PRKD1: variants seen among roughly 807,000 people sequenced by gnomAD.
The protein encoded by PRKD1 is protein kinase D1.
In PRKD1, 63 loss-of-function variants were observed where a neutral mutation model predicts 95.9. The ratio of observed to expected loss-of-function variants is 0.66; its 90% CI spans 0.54 to 0.81. The LOEUF (loss-of-function observed/expected upper bound fraction) is 0.81, where lower values mean the gene tolerates loss of function less well. Ranked by LOEUF, PRKD1 falls within the 30% of genes least tolerant of loss-of-function variation. The pLI, the probability that PRKD1 is intolerant of heterozygous loss-of-function variation, is 0.00. For missense variants in PRKD1, 1,048 were observed against 1,165.3 expected (o/e 0.90, Z 1.47); for synonymous variants, 425 against 423.1 (o/e 1.00, Z -0.05).
At chr14:29,621,330 C>T (rs1464745558) in intron 13 of PRKD1, among the ~76,000 whole-genome samples, 2 of 151,888 alleles carry the variant, frequency 1.3e-5, no homozygotes, top group Non-Finnish European at 2.9e-5. Flanking sequence ...TACCCTAAAA[C>T]TTAAAGTATA....
chr14:29,792,973 G>A (rs937919264), intron 1 of PRKD1, among the ~76,000 whole-genome samples: 1 of 151,936 alleles, frequency 6.6e-6, no homozygotes, highest in Non-Finnish European at 1.5e-5. Flanking sequence ...AGCATACATG[G>A]AAATGTAATG....
At chr14:29,651,279 T>A (rs1881478229) in intron 4 of PRKD1, among the ~76,000 whole-genome samples, 1 of 152,180 alleles carries the variant, frequency 6.6e-6, no homozygotes, top group African/African-American at 2.4e-5. Context: ...ATCACTCAAG[T>A]GATATTTTCA....
In PRKD1 at chr14:29,927,680, T is replaced by G; in HGVS notation, c.-168A>C. ...CTGGGGGAGGGCAAGGGGATGAGGA[T>G]CGGGAGGGGAGGGGACTAAGGGGAG... On this transcript the variant is annotated 5_prime_UTR_variant, in exon 1 of 18. Transcript: ENST00000331968. The G allele has an allele frequency of 1.5e-5, 3 of 206,016 alleles. No individual in the cohort carries two copies. The highest frequency in any genetic ancestry group is 1.6e-5 in the Non-Finnish European group (2 of 123,482). The allele number at this position is 206,016 out of a possible 1,614,324, so 12.8% of individuals were successfully genotyped here.
intron 16 of PRKD1, 89 bp from the exon 17 acceptor site, chr14:29,578,449 C>T: frequency 1.3e-6 from 1 of 754,520 alleles, no homozygotes; most frequent in Non-Finnish European, 1.9e-6. Context: ...CTATTTCACA[C>T]AGTTAAATGC....
At chr14:29,697,360 C>T (rs1467340500) in intron 2 of PRKD1, among the ~76,000 whole-genome samples, 1 of 152,158 alleles carries the variant, frequency 6.6e-6, no homozygotes, top group East Asian at 1.9e-4. Flanking sequence ...GAGCAAATAA[C>T]AGCATTAGCA....
rs1895356069 is a variant in PRKD1, at chr14:29,927,545, G to A, written c.-33C>T. On this transcript the variant is annotated 5_prime_UTR_variant, in exon 1 of 18. Transcript: ENST00000331968. Reference sequence around the variant, plus strand: ...CGGGGCGCAGGGCCGGGCAGCGGAGGGCGGGGGCTGGCGGCGCGGCAGCAG... The same window carrying A: ...CGGGGCGCAGGGCCGGGCAGCGGAGAGCGGGGGCTGGCGGCGCGGCAGCAG... 1 of 1,135,918 alleles carries A rather than the reference G, an allele frequency of 8.8e-7. No homozygotes were observed. The highest frequency in any genetic ancestry group is 4.7e-5 in the East Asian group (1 of 21,318). The allele number at this position is 1,135,918 out of a possible 1,614,324, so 70.4% of individuals were successfully genotyped here.
At chr14:29,625,839 T>C (rs1480668359) in intron 12 of PRKD1, among the ~76,000 whole-genome samples, 5 of 152,148 alleles carry the variant, frequency 3.3e-5, no homozygotes, top group African/African-American at 1.2e-4. Context: ...TTCTTATTGA[T>C]AATATTAAGG....
intron 1 of PRKD1, among the ~76,000 whole-genome samples, chr14:29,819,951 G>A (rs948976060): frequency 6.6e-6 from 1 of 152,098 alleles, no homozygotes; most frequent in African/African-American, 2.4e-5. Context: ...TGCCCTCAAG[G>A]TATTGATATT....
At chr14:29,845,247 A>C (rs1892035010) in intron 1 of PRKD1, among the ~76,000 whole-genome samples, 1 of 152,200 alleles carries the variant, frequency 6.6e-6, no homozygotes, top group African/African-American at 2.4e-5. Context: ...CTGTAAAGAA[A>C]ATGCTTAAAG....
intron 1 of PRKD1, among the ~76,000 whole-genome samples, chr14:29,778,310 G>T (rs1019482320): frequency 3.9e-5 from 6 of 152,020 alleles, no homozygotes; most frequent in Admixed American, 3.9e-4. Flanking sequence ...AGGAGATACA[G>T]ACACAAAAAA....
intron 1 of PRKD1, among the ~76,000 whole-genome samples, chr14:29,797,139 G>T (rs891989449): frequency 2.0e-5 from 3 of 152,102 alleles, no homozygotes; most frequent in African/African-American, 4.8e-5. Flanking sequence ...GAATTTACAG[G>T]CACCCTAACT....
At chr14:29,779,400 C>G (rs1888932382) in intron 1 of PRKD1, among the ~76,000 whole-genome samples, 1 of 152,180 alleles carries the variant, frequency 6.6e-6, no homozygotes, top group African/African-American at 2.4e-5. Context: ...ATCGTCTCAG[C>G]CCCAAATCTC....
At chr14:29,886,762 A>G (rs1893721245) in intron 1 of PRKD1, among the ~76,000 whole-genome samples, 1 of 152,230 alleles carries the variant, frequency 6.6e-6, no homozygotes, top group South Asian at 2.1e-4. Flanking sequence ...GATAATCTTC[A>G]ATAGATTCCA....
At chr14:29,719,594 C>T (rs945409999) in intron 2 of PRKD1, among the ~76,000 whole-genome samples, 2 of 152,164 alleles carry the variant, frequency 1.3e-5, no homozygotes, top group Admixed American at 1.3e-4. Flanking sequence ...GGTGTTACTC[C>T]TACTCTCTGC....
chr14:29,644,773 TATAA>T (rs955511616), intron 4 of PRKD1, among the ~76,000 whole-genome samples: 20 of 152,230 alleles, frequency 1.3e-4, no homozygotes, highest in Admixed American at 3.9e-4. Flanking sequence ...ATACCTCATG[TATAA>T]ATAAACTATA....
chr14:29,620,528 C>T (rs1403175044), intron 13 of PRKD1, among the ~76,000 whole-genome samples: 1 of 145,970 alleles, frequency 6.9e-6, no homozygotes, highest in Admixed American at 6.9e-5. Flanking sequence ...CATGAACAGA[C>T]ACTTCTCAAA....
At chr14:29,855,245 G>A (rs1356237229) in intron 1 of PRKD1, among the ~76,000 whole-genome samples, 1 of 152,158 alleles carries the variant, frequency 6.6e-6, no homozygotes, top group Non-Finnish European at 1.5e-5. Context: ...CATGAAAACA[G>A]CCAGGAGGGA....
At chr14:29,627,996 A>G (rs1419709644) in intron 11 of PRKD1, among the ~76,000 whole-genome samples, 1 of 152,242 alleles carries the variant, frequency 6.6e-6, no homozygotes, top group Non-Finnish European at 1.5e-5. Flanking sequence ...ATAGAGTGGA[A>G]CAATTCCACA....
chr14:29,782,461 ATTCT>A (rs755327936), intron 1 of PRKD1, among the ~76,000 whole-genome samples: 9 of 152,262 alleles, frequency 5.9e-5, no homozygotes, highest in Admixed American at 2.0e-4. Flanking sequence ...ACTTTGAACG[ATTCT>A]TTCTTTTTTT....
Sources: allele counts gnomAD v4.1 joint callset (sites outside exome capture counted in the v4.1 genomes callset), GRCh38; gene constraint gnomAD v4.1.1; transcripts MANE v1.5; gene names NCBI Gene and HGNC (gene_info 2026-07-23, HGNC 2026-07-21).